PRKAR1B: variants seen among roughly 807,000 people sequenced by gnomAD.
PRKAR1B encodes the protein cAMP-dependent protein kinase type I-beta regulatory subunit.
PRKAR1B carries 22 observed loss-of-function variants against 46.5 expected under a neutral mutation model. That is an observed-to-expected ratio of 0.47 (90% confidence interval 0.34 to 0.68). The LOEUF is 0.68. Among genes scored for constraint, PRKAR1B ranks in the 30% least tolerant of loss-of-function variants. PRKAR1B has a pLI of 0.01. For missense variants in PRKAR1B, 445 were observed against 535.6 expected (o/e 0.83, Z 1.67); for synonymous variants, 259 against 217.7 (o/e 1.19, Z -1.67).
intron 8 of PRKAR1B, among the ~76,000 whole-genome samples, chr7:583,269 A>G (rs538905222): frequency 4.6e-5 from 7 of 152,118 alleles, no homozygotes; most frequent in Non-Finnish European, 8.8e-5. Flanking sequence ...CATTTCACAG[A>G]AGGATTTCAG....
In PRKAR1B at chr7:549,724, C is replaced by G. The variant is rs1259795252; in HGVS notation, c.*706G>C. On this transcript the variant is annotated 3_prime_UTR_variant, in exon 11 of 11. Transcript: ENST00000537384. Reference sequence around the variant, plus strand: ...CCAAAGGAACTTCGAGCCCGGCCCCCCCTACTGGGGTCTACCTGCGGCCGC... The same window carrying G: ...CCAAAGGAACTTCGAGCCCGGCCCCGCCTACTGGGGTCTACCTGCGGCCGC... The G allele has an allele frequency of 6.6e-6, 1 of 152,314 alleles. No homozygotes were observed. The highest frequency in any genetic ancestry group is 1.5e-5 in the Non-Finnish European group (1 of 68,154). 9.4% of individuals were successfully genotyped at this position (152,314 alleles called of 1,614,324 possible). A position where few individuals can be genotyped will look rare whatever the true frequency, so the allele number is the denominator to read the frequency against.
At chr7:692,137 T>C (rs548933258) in intron 2 of PRKAR1B, among the ~76,000 whole-genome samples, 26 of 152,330 alleles carry the variant, frequency 1.7e-4, no homozygotes, top group African/African-American at 6.3e-4. Context: ...TGGTGGCTCA[T>C]GCCTGTCATC....
At chr7:563,641 G>A (rs995514563) in intron 9 of PRKAR1B, among the ~76,000 whole-genome samples, 1 of 152,074 alleles carries the variant, frequency 6.6e-6, no homozygotes, top group African/African-American at 2.4e-5. Flanking sequence ...GTGCATGTGT[G>A]CCAGAACAGA....
intron 7 of PRKAR1B, among the ~76,000 whole-genome samples, chr7:590,299 C>T (rs539869292): frequency 6.6e-6 from 1 of 152,366 alleles, no homozygotes; most frequent in Admixed American, 6.5e-5. Flanking sequence ...CCAAGGCACG[C>T]ACCGGTGAGG....
chr7:584,988 G>A (rs978906663), intron 7 of PRKAR1B, among the ~76,000 whole-genome samples: 10 of 152,086 alleles, frequency 6.6e-5, no homozygotes, highest in East Asian at 1.9e-4. Context: ...GGGAGAGTGC[G>A]GCTGACGTCA....
At chr7:707,359 A>G (rs1056607861) in intron 2 of PRKAR1B, among the ~76,000 whole-genome samples, 5 of 152,162 alleles carry the variant, frequency 3.3e-5, no homozygotes, top group Admixed American at 6.5e-5. Context: ...TTCTTTGCAT[A>G]TAACACATTA....
At chr7:683,022 G>A (rs997651196) in intron 2 of PRKAR1B, among the ~76,000 whole-genome samples, 1 of 152,182 alleles carries the variant, frequency 6.6e-6, no homozygotes, top group Non-Finnish European at 1.5e-5. Flanking sequence ...GGAGCTTCCC[G>A]AAAAAAGATG....
At chr7:680,775 CGGCCA>C in intron 2 of PRKAR1B, 49 bp from the exon 3 acceptor site, 1 of 1,607,672 alleles carries the variant, frequency 6.2e-7, no homozygotes, top group South Asian at 1.1e-5. Flanking sequence ...CTGGCTGTCC[CGGCCA>C]GGCACAGGGC....
chr7:670,337 A>C (rs1048502516), intron 4 of PRKAR1B, among the ~76,000 whole-genome samples: 2 of 152,142 alleles, frequency 1.3e-5, no homozygotes, highest in Non-Finnish European at 2.9e-5. Flanking sequence ...AGGCCAGGGG[A>C]CCAGTCCATG....
At chr7:639,314 C>T (rs934185642) in intron 4 of PRKAR1B, among the ~76,000 whole-genome samples, 3 of 152,110 alleles carry the variant, frequency 2.0e-5, no homozygotes, top group Non-Finnish European at 4.4e-5. Flanking sequence ...AACCAGGGTG[C>T]CAAGGCAAGT....
chr7:687,152 A>T (rs1562617275), intron 2 of PRKAR1B, among the ~76,000 whole-genome samples: 1 of 152,300 alleles, frequency 6.6e-6, no homozygotes, highest in East Asian at 1.9e-4. Context: ...TTTTCTCTTT[A>T]ATTTTTCATA....
chr7:679,520 C>T (rs888633776), intron 3 of PRKAR1B, among the ~76,000 whole-genome samples: 14 of 152,316 alleles, frequency 9.2e-5, no homozygotes, highest in Admixed American at 2.6e-4. Context: ...ACAATGCTTG[C>T]GCTAGCTTTA....
At chr7:665,121 A>C (rs1785832190) in intron 4 of PRKAR1B, among the ~76,000 whole-genome samples, 1 of 152,226 alleles carries the variant, frequency 6.6e-6, no homozygotes, top group Non-Finnish European at 1.5e-5. Context: ...CTCCACGGAG[A>C]GCTGCAACTG....
intron 9 of PRKAR1B, among the ~76,000 whole-genome samples, chr7:573,117 G>A (rs1230014718): frequency 4.6e-5 from 7 of 152,188 alleles, no homozygotes; most frequent in East Asian, 1.9e-4. Flanking sequence ...GAAGCGCGTC[G>A]GTTCCGAGCC....
intron 4 of PRKAR1B, among the ~76,000 whole-genome samples, chr7:611,219 G>C (rs1782463492): frequency 2.0e-5 from 3 of 152,242 alleles, no homozygotes; most frequent in Admixed American, 2.0e-4. Context: ...TATAGGGGCA[G>C]AGCCCTCCTC....
intron 7 of PRKAR1B, among the ~76,000 whole-genome samples, chr7:588,461 G>GGTGATT: frequency 6.6e-6 from 1 of 151,722 alleles, no homozygotes; most frequent in African/African-American, 2.4e-5. Context: ...TGATGGTGAT[G>GGTGATT]GTGGTGATGG....
chr7:727,198 C>T lies in PRKAR1B; in HGVS notation c.-23+12G>A. 7.4e-7 allele frequency: 1 copy of T among 1,348,758 alleles called. No homozygotes were observed. Among genetic ancestry groups the T allele is most frequent in the Non-Finnish European group, 9.6e-7 (1 of 1,047,000 alleles). The allele number at this position is 1,348,758 out of a possible 1,614,324, so 83.5% of individuals were successfully genotyped here. On this transcript the variant is annotated intron_variant, in intron 1 of 10. Coordinates refer to ENST00000537384, the MANE Select transcript of PRKAR1B (RefSeq NM_001164760.2). Reference sequence around the variant, plus strand: ...GGCCGTGGACCTGTGCGGCGCCGCGCTCGCGCCCCACCTGGACGACGCTCT... The same window carrying T: ...GGCCGTGGACCTGTGCGGCGCCGCGTTCGCGCCCCACCTGGACGACGCTCT...
At chr7:589,405 C>T (rs1263867732) in intron 7 of PRKAR1B, among the ~76,000 whole-genome samples, 2 of 152,048 alleles carry the variant, frequency 1.3e-5, no homozygotes, top group South Asian at 2.1e-4. Flanking sequence ...TGACCCAGCC[C>T]TCGTCCTCAG....
In PRKAR1B at chr7:584,446, G is replaced by A. The variant is rs977770376; in HGVS notation, c.769+62C>T. 2.6e-5 allele frequency: 38 copies of A among 1,445,872 alleles called. No individual in the cohort carries two copies. The Middle Eastern group carries it at 5.3e-4, about 20-fold the overall frequency. The allele number at this position is 1,445,872 out of a possible 1,614,324, so 89.6% of individuals were successfully genotyped here. A position where few individuals can be genotyped will look rare whatever the true frequency, so the allele number is the denominator to read the frequency against. The stretch of plus-strand genomic sequence containing the variant: ...CCACGCAGGGAATGGGGAAGAGGCC[G>A]GGGTGGCCAGCAGGCGCCCAGATGT... On this transcript the variant is annotated intron_variant, in intron 8 of 10. Transcript: ENST00000537384.
Sources: allele counts gnomAD v4.1 joint callset (sites outside exome capture counted in the v4.1 genomes callset), GRCh38; gene constraint gnomAD v4.1.1; transcripts MANE v1.5; gene names NCBI Gene and HGNC (gene_info 2026-07-23, HGNC 2026-07-21).